Variants in DOCK3 observed in about 807,000 individuals in gnomAD.
The protein encoded by DOCK3 is dedicator of cytokinesis 3, also known as dedicator of cytokinesis protein 3.
Under a neutral mutation model 265.6 loss-of-function variants are expected in DOCK3, and 60 were observed. The observed-to-expected ratio is 0.23, with a 90% CI of 0.18 to 0.28. The LOEUF is 0.28. Ranked by LOEUF, DOCK3 falls within the 10% of genes least tolerant of loss-of-function variation. The pLI is 1.00. For missense variants in DOCK3, 1,981 were observed against 2,594.3 expected (o/e 0.76, Z 5.14); for synonymous variants, 881 against 938.0 (o/e 0.94, Z 1.11).
At chr3:51,040,949 A>G (rs1241735346) in intron 5 of DOCK3, among the ~76,000 whole-genome samples, 1 of 151,418 alleles carries the variant, frequency 6.6e-6, no homozygotes, top group Non-Finnish European at 1.5e-5. Flanking sequence ...AATCACTTTC[A>G]CCATGGAAGC....
intron 35 of DOCK3, among the ~76,000 whole-genome samples, chr3:51,335,915 CGGG>C: frequency 6.7e-6 from 1 of 150,262 alleles, no homozygotes; most frequent in Non-Finnish European, 1.5e-5. Context: ...TCACTTTAGC[CGGG>C]GAGGTCGAGG....
At chr3:51,335,991 C>CAA (rs560859648) in intron 35 of DOCK3, among the ~76,000 whole-genome samples, 5 of 58,074 alleles carry the variant, frequency 8.6e-5, no homozygotes, top group Non-Finnish European at 7.2e-5. Flanking sequence ...GACCCTGTCT[C>CAA]AAAAAAAAAA....
At chr3:51,256,593 G>GTTTTT (rs74193219) in intron 22 of DOCK3, among the ~76,000 whole-genome samples, 4 of 126,822 alleles carry the variant, frequency 3.2e-5, no homozygotes, top group East Asian at 2.3e-4. Flanking sequence ...TTTCGTTTTT[G>GTTTTT]TTTTTTTTTT....
chr3:51,121,047 A>G (rs1380584534), intron 9 of DOCK3, among the ~76,000 whole-genome samples: 1 of 152,054 alleles, frequency 6.6e-6, no homozygotes, highest in African/African-American at 2.4e-5. Flanking sequence ...CAAACAAAAA[A>G]ACTCCTGCAG....
intron 21 of DOCK3, among the ~76,000 whole-genome samples, chr3:51,243,597 A>G (rs993393294): frequency 2.0e-5 from 3 of 152,064 alleles, no homozygotes; most frequent in African/African-American, 4.8e-5. Context: ...AGTTCTTTAT[A>G]TATTCTGGAT....
intron 1 of DOCK3, among the ~76,000 whole-genome samples, chr3:50,726,299 G>A (rs956075202): frequency 6.6e-6 from 1 of 152,126 alleles, no homozygotes; most frequent in Non-Finnish European, 1.5e-5. Context: ...CAGAAGAAGG[G>A]ACAATATTTG....
At chr3:51,320,676 A>G (rs1337418073) in intron 32 of DOCK3, among the ~76,000 whole-genome samples, 1 of 152,182 alleles carries the variant, frequency 6.6e-6, no homozygotes, top group East Asian at 1.9e-4. Flanking sequence ...TTGAGTAGGC[A>G]GTTTTACCCT....
intron 3 of DOCK3, among the ~76,000 whole-genome samples, chr3:50,852,179 G>A (rs2046381049): frequency 6.6e-6 from 1 of 152,122 alleles, no homozygotes; most frequent in Admixed American, 6.6e-5. Flanking sequence ...TTCCTCCCTG[G>A]GATCTGAGGT....
At position 51,346,356 on chromosome 3, in the gene DOCK3, T is replaced by A. The variant is rs144388435; in HGVS notation, c.3916-2496T>A. On this transcript the variant is annotated intron_variant, in intron 38 of 52. Coordinates refer to ENST00000266037, the MANE Select transcript of DOCK3 (RefSeq NM_004947.5). ...ACCCTGTGTCCAAGTGTTCTCATTG[T>A]TCAGTTCCCACCTATGAGTGAGAAC... Among the ~76,000 whole-genome samples the A allele has an allele frequency of 2.4e-3, 370 of 151,582 alleles. 3 individuals are homozygous for A. Among genetic ancestry groups the A allele is most frequent in the African/African-American group, 8.6e-3 (353 of 41,270 alleles).
chr3:51,343,750 G>A (rs2085381242), intron 38 of DOCK3, among the ~76,000 whole-genome samples: 1 of 152,208 alleles, frequency 6.6e-6, no homozygotes, highest in Non-Finnish European at 1.5e-5. Context: ...GCTCTCTGGT[G>A]TCTGCCTTAG....
intron 5 of DOCK3, among the ~76,000 whole-genome samples, chr3:51,025,366 G>A (rs2079770202): frequency 6.6e-6 from 1 of 152,132 alleles, no homozygotes; most frequent in Non-Finnish European, 1.5e-5. Context: ...GTGGGCAGCA[G>A]TGAGCCTTAC....
At chr3:50,769,392 A>G (rs1448283964) in intron 1 of DOCK3, among the ~76,000 whole-genome samples, 11 of 152,230 alleles carry the variant, frequency 7.2e-5, no homozygotes, top group Non-Finnish European at 1.5e-4. Context: ...CTTCAGCACA[A>G]TAAAGTCCAT....
At chr3:50,834,001 A>C (rs959886758) in intron 2 of DOCK3, among the ~76,000 whole-genome samples, 2 of 152,138 alleles carry the variant, frequency 1.3e-5, no homozygotes, top group African/African-American at 4.8e-5. Flanking sequence ...AAAACAAAAC[A>C]AGGGATCAGC....
chr3:51,131,684 C>G (rs1270601290), intron 9 of DOCK3, among the ~76,000 whole-genome samples: 1 of 152,134 alleles, frequency 6.6e-6, no homozygotes, highest in African/African-American at 2.4e-5. Context: ...TAGCCAGTGC[C>G]AGAGCTCTAC....
Position 51,246,720 on chromosome 3 carries a change from T to C in DOCK3, c.2103-6T>C, listed in dbSNP as rs1312624802. 1 of 1,612,096 alleles carries C rather than the reference T, an allele frequency of 6.2e-7. No homozygotes were observed. Among genetic ancestry groups the C allele is most frequent in the South Asian group, 1.1e-5 (1 of 90,482 alleles). ...GTGGGGTTTCTGGAACTGTTCTCTT[T>C]CCCAGGGAGCTCATCCGCTGTTTGA... On this transcript the variant is annotated splice_polypyrimidine_tract_variant and splice_region_variant and intron_variant, in intron 21 of 52. Coordinates refer to ENST00000266037, the MANE Select transcript of DOCK3 (RefSeq NM_004947.5).
intron 2 of DOCK3, chr3:50,787,969 C>T (rs2042273538): frequency 3.4e-6 from 3 of 887,160 alleles, no homozygotes; most frequent in East Asian, 2.9e-5. Flanking sequence ...CTTCTTCCTC[C>T]TCCTCTTCTG....
intron 4 of DOCK3, among the ~76,000 whole-genome samples, chr3:50,903,130 G>A (rs2049290261): frequency 6.6e-6 from 1 of 152,166 alleles, no homozygotes; most frequent in African/African-American, 2.4e-5. Context: ...AAGTTAATTT[G>A]ACTTCCTCTC....
At chr3:51,280,290 G>C in intron 27 of DOCK3, 86 bp downstream of exon 27, 1 of 1,257,770 alleles carries the variant, frequency 8.0e-7, no homozygotes, top group Non-Finnish European at 1.1e-6. Flanking sequence ...GGGGATGAAT[G>C]CAAGTGACTA....
intron 2 of DOCK3, among the ~76,000 whole-genome samples, chr3:50,832,180 C>T (rs1302526682): frequency 1.3e-5 from 2 of 152,092 alleles, no homozygotes; most frequent in African/African-American, 2.4e-5. Context: ...AGAAACTGGA[C>T]CCCTTCTTTA....
Sources: allele counts gnomAD v4.1 joint callset (sites outside exome capture counted in the v4.1 genomes callset), GRCh38; gene constraint gnomAD v4.1.1; transcripts MANE v1.5; gene names NCBI Gene and HGNC (gene_info 2026-07-23, HGNC 2026-07-21).